The following CERK variants were observed in gnomAD, a reference collection of about 807,000 sequenced individuals.
The protein encoded by CERK is acylsphingosine kinase.
In CERK, 39 loss-of-function variants were observed where a neutral mutation model predicts 63.4. That is an observed-to-expected ratio of 0.61 (90% CI 0.48 to 0.80). The LOEUF is 0.80. CERK is among the 30% of genes least tolerant of loss of function. CERK has a pLI of 0.00. For missense variants in CERK, 670 were observed against 714.1 expected (o/e 0.94, Z 0.70); for synonymous variants, 302 against 280.0 (o/e 1.08, Z -0.78).
intron 1 of CERK, among the ~76,000 whole-genome samples, chr22:46,733,192 G>C (rs1601733327): frequency 8.3e-6 from 1 of 120,296 alleles, no homozygotes; most frequent in African/African-American, 3.0e-5. Context: ...CTGGGCGACA[G>C]AGTGGGACTC....
chr22:46,698,915 A>C (rs1267198895), intron 8 of CERK, among the ~76,000 whole-genome samples: 3 of 152,318 alleles, frequency 2.0e-5, no homozygotes, highest in East Asian at 1.9e-4. Context: ...AAATTTTTAA[A>C]AAATATATTT....
At chr22:46,705,457 A>C (rs2082808492) in intron 6 of CERK, among the ~76,000 whole-genome samples, 1 of 152,134 alleles carries the variant, frequency 6.6e-6, no homozygotes, top group East Asian at 1.9e-4. Flanking sequence ...AGATCACTTG[A>C]GGTCAAGAGT....
At position 46,714,208 on chromosome 22, in the gene CERK, T is replaced by G. The variant is rs750328942; in HGVS notation, c.380-1915A>C. On this transcript the variant is annotated intron_variant, in intron 3 of 12. Transcript: ENST00000216264. This position sits in a 1 kb window ranked among gnomAD's most constrained non-coding sequence, Gnocchi z 4.4. ...ATCACTTGAACCCAGGAAGTGGAGGTTGCAGTGAGCCAAGATCGCGCCATT... is the reference window on the plus strand; with the variant it reads ...ATCACTTGAACCCAGGAAGTGGAGGGTGCAGTGAGCCAAGATCGCGCCATT... Among the ~76,000 whole-genome samples the G allele has an allele frequency of 2.0e-5, 3 of 151,986 alleles. No individual in the cohort carries two copies. The highest frequency in any genetic ancestry group is 2.9e-5 in the Non-Finnish European group (2 of 67,980).
At chr22:46,702,676 AGCT>A (rs2082793231) in intron 6 of CERK, among the ~76,000 whole-genome samples, 2 of 152,274 alleles carry the variant, frequency 1.3e-5, no homozygotes, top group Middle Eastern at 3.2e-3. Flanking sequence ...CAGGACAGGC[AGCT>A]CAGGTCCCTG....
In CERK at chr22:46,689,920, TG is replaced by T. The variant is rs915536135; in HGVS notation, c.1541+71del. On this transcript the variant is annotated intron_variant, in intron 12 of 12. Transcript: ENST00000216264. ...GCCCCAGGGAACCCCCCACCCTGGG[TG>T]GGGCAGCTTGTGACAGACACCTCAG... 2.1e-5 allele frequency: 25 copies of T among 1,191,784 alleles called. No homozygotes were observed. The African/African-American group carries it at 3.1e-4, about 15-fold the overall frequency. 73.8% of individuals were successfully genotyped at this position (1,191,784 alleles called of 1,614,324 possible).
intron 5 of CERK, among the ~76,000 whole-genome samples, chr22:46,710,166 T>G (rs952719401): frequency 6.6e-6 from 1 of 152,206 alleles, no homozygotes; most frequent in Non-Finnish European, 1.5e-5. Flanking sequence ...CGGTGGCTCA[T>G]GCCTGTAATC....
chr22:46,724,877 C>T lies in CERK; in HGVS notation c.143-3862G>A, dbSNP rs553767441. Among the ~76,000 whole-genome samples the T allele has an allele frequency of 2.4e-3, 361 of 152,146 alleles. 2 individuals carry two copies. Among genetic ancestry groups the T allele is most frequent in the African/African-American group, 8.2e-3 (340 of 41,510 alleles). On this transcript the variant is annotated intron_variant, in intron 1 of 12. Coordinates refer to ENST00000216264, the MANE Select transcript of CERK (RefSeq NM_022766.6). The stretch of plus-strand genomic sequence containing the variant: ...TACTAAAAATACACAAAAAATTAGC[C>T]GGGTGTGGTGGCGGGCACCTGTAGC...
chr22:46,716,437 C>T (rs1452463517), intron 3 of CERK, among the ~76,000 whole-genome samples: 18 of 150,778 alleles, frequency 1.2e-4, no homozygotes, highest in Non-Finnish European at 2.1e-4. Flanking sequence ...GTGATCCACC[C>T]GCCTCGGCCT....
intron 5 of CERK, among the ~76,000 whole-genome samples, chr22:46,709,948 A>G (rs1456323058): frequency 6.6e-6 from 1 of 152,244 alleles, no homozygotes; most frequent in African/African-American, 2.4e-5. Context: ...AAGAGAACAA[A>G]TGACTGAAAT....
intron 1 of CERK, chr22:46,735,390 G>A (rs939428096): frequency 5.3e-5 from 8 of 152,232 alleles, no homozygotes; most frequent in Admixed American, 2.6e-4. Context: ...GTCCCAGCAT[G>A]ATGACCCACT....
intron 1 of CERK, among the ~76,000 whole-genome samples, chr22:46,722,992 A>T (rs1601726761): frequency 6.6e-6 from 1 of 152,156 alleles, no homozygotes; most frequent in Non-Finnish European, 1.5e-5. Context: ...AGCGGCTGCG[A>T]GAGGGTGGCC....
At position 46,690,024 on chromosome 22, in the gene CERK, C is replaced by G. The variant is rs1472564274; in HGVS notation, c.1509G>C (p.Gly503=). ...TVSNSSWNCD[G]EVLHSPAIEV... ...CGATGGCAGGGCTGTGCAGGACCTC[C>G]CCGTCGCAGTTCCAGGAGCTGTTGG... The change falls in exon 12 of 13, where the codon GGG becomes GGC. Residue 503 remains glycine (G), a synonymous_variant. Transcript: ENST00000216264. 5 of 1,610,810 alleles carry G rather than the reference C, an allele frequency of 3.1e-6. No individual in the cohort carries two copies. Among genetic ancestry groups the G allele is most frequent in the Middle Eastern group, 1.6e-4 (1 of 6,082 alleles).
intron 8 of CERK, 101 bp from the exon 9 acceptor site, chr22:46,695,416 G>C (rs2082751466): frequency 6.4e-6 from 5 of 779,490 alleles, no homozygotes; most frequent in Non-Finnish European, 1.1e-5. Context: ...GCGCGCATCT[G>C]CCTAAACCGT....
rs1039032411 is a variant in CERK, at chr22:46,689,312, C to T, written c.1541+680G>A. Among the ~76,000 whole-genome samples the T allele has an allele frequency of 3.9e-5, 6 of 152,252 alleles. No individual in the cohort carries two copies. The South Asian group carries it at 6.2e-4, about 16-fold the overall frequency. ...GATTGACTGTGGCCCTTGAGGCCAG[C>T]GGTTCCCTGGTGGATTCAGTGGACA... On this transcript the variant is annotated intron_variant, in intron 12 of 12. Coordinates refer to ENST00000216264, the MANE Select transcript of CERK (RefSeq NM_022766.6).
At chr22:46,710,906 G>A (rs2082837432) in intron 5 of CERK, among the ~76,000 whole-genome samples, 180 bp downstream of exon 5, 1 of 152,206 alleles carries the variant, frequency 6.6e-6, no homozygotes, top group South Asian at 2.1e-4. Context: ...AGAGGAGTGT[G>A]TGACTGCACT....
chr22:46,722,609 G>C (rs2082897983), intron 1 of CERK, among the ~76,000 whole-genome samples: 1 of 149,976 alleles, frequency 6.7e-6, no homozygotes, highest in African/African-American at 2.5e-5. Flanking sequence ...GCCCAGACTG[G>C]AGGGCAATAG....
At chr22:46,709,753 T>A (rs2082831281) in intron 5 of CERK, among the ~76,000 whole-genome samples, 1 of 152,068 alleles carries the variant, frequency 6.6e-6, no homozygotes, top group South Asian at 2.1e-4. Context: ...AAACTCAAGA[T>A]GAAGAGTGAA....
chr22:46,710,375 C>T (rs531855053), intron 5 of CERK, among the ~76,000 whole-genome samples: 5 of 150,590 alleles, frequency 3.3e-5, no homozygotes, highest in East Asian at 3.9e-4. Context: ...CCGAAGCTGC[C>T]GAGGTCACGC....
rs986665281 is a variant in CERK, at chr22:46,714,700, C to G, written c.380-2407G>C. 3.9e-5 allele frequency among the ~76,000 whole-genome samples: 6 copies of G among 152,014 alleles called. No homozygotes were observed. Among genetic ancestry groups the G allele is most frequent in the African/African-American group, 1.4e-4 (6 of 41,388 alleles). On this transcript the variant is annotated intron_variant, in intron 3 of 12. Transcript: ENST00000216264. The surrounding 1 kb of genome is among the most constrained non-coding windows in gnomAD (Gnocchi z 4.4). ...TCCAAACATTTAAGGAAAAAATAGCCTCAAGATTATAGGAACGCTTCCAGA... is the reference window on the plus strand; with the variant it reads ...TCCAAACATTTAAGGAAAAAATAGCGTCAAGATTATAGGAACGCTTCCAGA...
Sources: gnomAD v4.1 joint callset for allele counts (sites outside exome capture counted in the v4.1 genomes callset) on GRCh38, gnomAD v4.1.1 for gene constraint, Gnocchi (gnomAD v3.1) non-coding constraint, MANE v1.5 for transcripts, NCBI Gene and HGNC (gene_info 2026-07-23, HGNC 2026-07-21) for gene names.